ZYG11A: variants seen among roughly 807,000 people sequenced by gnomAD.
ZYG11A encodes the protein zyg-11 family member A, cell cycle regulator.
A neutral mutation model predicts 77.2 loss-of-function variants in ZYG11A; 62 were observed. The observed-to-expected ratio is 0.80, with a 90% CI of 0.65 to 0.99. The LOEUF is 0.99. Among genes scored for constraint, ZYG11A ranks in the 50% least tolerant of loss-of-function variants. The pLI, the probability that ZYG11A is intolerant of heterozygous loss-of-function variation, is 0.00. For synonymous variants in ZYG11A, 315 were observed against 324.6 expected, an observed-to-expected ratio of 0.97 and a Z score of 0.32; for missense variants, 828 against 896.8, an observed-to-expected ratio of 0.92 and a Z score of 0.98.
At chr1:52,870,489 C>T (rs1456262171) in intron 8 of ZYG11A, among the ~76,000 whole-genome samples, 2 of 152,218 alleles carry the variant, frequency 1.3e-5, no homozygotes, top group East Asian at 1.9e-4. Flanking sequence ...AATCTCGGCA[C>T]TTTGGGAGGC....
rs528106341 is a variant in ZYG11A, at chr1:52,884,616, C to T, written c.1945-1217C>T. ...TTACAGTGAGCCGAGATCGTGCCAT[C>T]GCACTCCAGCCTGGGCAACAAGAGT... On this transcript the variant is annotated intron_variant, in intron 11 of 13. Coordinates refer to ENST00000371528, the MANE Select transcript of ZYG11A (RefSeq NM_001004339.3). 5.3e-5 allele frequency among the ~76,000 whole-genome samples: 8 copies of T among 151,490 alleles called. No homozygotes were observed. The South Asian group carries it at 6.3e-4, about 12-fold the overall frequency.
chr1:52,892,977 T>G lies in ZYG11A; in HGVS notation c.*20T>G. ...TTCTGAACCTAAGGAATTTCAGAGG[T>G]GTGTGCTCTTCCTCAATGTCAGGTG... On this transcript the variant is annotated 3_prime_UTR_variant, in exon 14 of 14. Coordinates refer to ENST00000371528, the MANE Select transcript of ZYG11A (RefSeq NM_001004339.3). 2 of 1,545,890 alleles carry G rather than the reference T, an allele frequency of 1.3e-6. No homozygotes were observed. The highest frequency in any genetic ancestry group is 8.7e-7 in the Non-Finnish European group (1 of 1,143,082).
At chr1:52,858,348 C>G (rs1645857512) in intron 3 of ZYG11A, among the ~76,000 whole-genome samples, 1 of 150,592 alleles carries the variant, frequency 6.6e-6, no homozygotes, top group African/African-American at 2.4e-5. Context: ...CCACTGCACT[C>G]CAGCCTGGCC....
At chr1:52,886,222 G>A (rs1428351135) in intron 12 of ZYG11A, among the ~76,000 whole-genome samples, 3 of 152,008 alleles carry the variant, frequency 2.0e-5, no homozygotes, top group Non-Finnish European at 2.9e-5. Flanking sequence ...GTGAGCCACC[G>A]TGCCTGGCCC....
intron 1 of ZYG11A, among the ~76,000 whole-genome samples, chr1:52,849,352 G>A (rs906440236): frequency 1.3e-4 from 20 of 151,598 alleles, no homozygotes; most frequent in African/African-American, 4.6e-4. Flanking sequence ...ACAGGTGTGA[G>A]CCACCGCGCC....
chr1:52,881,344 G>A (rs533899714), intron 10 of ZYG11A, 127 bp from the exon 11 acceptor site: 81 of 617,488 alleles, frequency 1.3e-4, no homozygotes, highest in South Asian at 8.1e-4. Context: ...AGCTTGAGGC[G>A]GAGGCGGGTA....
intron 4 of ZYG11A, among the ~76,000 whole-genome samples, chr1:52,862,381 C>T (rs752846826): frequency 4.1e-5 from 6 of 147,898 alleles, no homozygotes; most frequent in African/African-American, 7.5e-5. Flanking sequence ...GCTTGATCTC[C>T]GCTCACTGCA....
At position 52,866,582 on chromosome 1, in the gene ZYG11A, TG is replaced by T; in HGVS notation, c.1391+17del. ...CCATTTGACAGGCAAGTATAAGACT[TG>T]GTCATTTGACTGGGGTGTTGGCCTT... On this transcript the variant is annotated intron_variant, in intron 6 of 13. Transcript: ENST00000371528. 1 of 1,509,894 alleles carries T rather than the reference TG, an allele frequency of 6.6e-7. No individual in the cohort carries two copies. The highest frequency in any genetic ancestry group is 2.0e-5 in the Admixed American group (1 of 50,680). The allele number at this position is 1,509,894 out of a possible 1,614,324, so 93.5% of individuals were successfully genotyped here. A position where few individuals can be genotyped will look rare whatever the true frequency, so the allele number is the denominator to read the frequency against.
In ZYG11A at chr1:52,877,969, G is replaced by A; in HGVS notation, c.1749G>A (p.Leu583=). The A allele has an allele frequency of 6.4e-7, 1 of 1,551,278 alleles. No individual in the cohort carries two copies. Among genetic ancestry groups the A allele is most frequent in the Non-Finnish European group, 8.7e-7 (1 of 1,146,910 alleles). ...TACAAAGCAAAGTACTTGGTCTTTT[G>A]GTAAGGTGAATTGTTTTGAATTAAT... ...SAIQSKVLGL[L]NNIAEVRELS... Residue 583 remains leucine (L), a splice_region_variant and synonymous_variant, in exon 10 of 14, where the codon TTG becomes TTA. Coordinates refer to ENST00000371528, the MANE Select transcript of ZYG11A (RefSeq NM_001004339.3).
chr1:52,870,809 C>G (rs1304402442), intron 8 of ZYG11A, among the ~76,000 whole-genome samples: 1 of 150,842 alleles, frequency 6.6e-6, no homozygotes. Context: ...GAGATGGCAG[C>G]AGTACAGTCC....
Position 52,870,731 on chromosome 1 carries a change from C to T in ZYG11A, c.1542+2954C>T, listed in dbSNP as rs192134609. 4.9e-3 allele frequency among the ~76,000 whole-genome samples: 742 copies of T among 152,312 alleles called. 12 individuals are homozygous for T. Among genetic ancestry groups the T allele is most frequent in the African/African-American group, 0.017 (703 of 41,562 alleles). ...CGAAAAACAGTCAGGCGTGACGGCG[C>T]GCGCCTGCAGTCGCAGGCACTCGGC... On this transcript the variant is annotated intron_variant, in intron 8 of 13. Transcript: ENST00000371528.
rs1425503124 is a variant in ZYG11A at position 52,857,229 on chromosome 1, T to G, written c.488T>G (p.Leu163Ter). 6.4e-7 allele frequency: 1 copy of G among 1,552,256 alleles called. No homozygotes were observed. The highest frequency in any genetic ancestry group is 8.7e-7 in the Non-Finnish European group (1 of 1,147,136). Residue 163 changes from leucine to a stop codon, truncating the protein, a stop_gained, in exon 3 of 14, where the codon TTA (leucine) becomes TGA (stop). Coordinates refer to ENST00000371528, the MANE Select transcript of ZYG11A (RefSeq NM_001004339.3). LOFTEE classifies it high-confidence loss of function. ...CAGCAAAACCTCCAGTGTCTCCTGT[T>G]AGACTCGACAAGCATCCCTCAAAAT... is the stretch of plus-strand genomic sequence containing the variant. ...WIQQNLQCLL[L>*]DSTSIPQNSR...
intron 8 of ZYG11A, among the ~76,000 whole-genome samples, chr1:52,869,538 T>C (rs1024878492): frequency 1.3e-5 from 2 of 151,764 alleles, no homozygotes; most frequent in Admixed American, 1.3e-4. Flanking sequence ...ACAGCACATG[T>C]TTCAGAGAGC....
At chr1:52,883,986 C>T (rs1300619353) in intron 11 of ZYG11A, among the ~76,000 whole-genome samples, 1 of 151,788 alleles carries the variant, frequency 6.6e-6, no homozygotes, top group East Asian at 2.0e-4. Flanking sequence ...TTCAAGTGAT[C>T]CCTCCGCCTC....
rs1195993366 is a variant in ZYG11A, at chr1:52,857,861, T to C, written c.1008+112T>C. 6 of 847,162 alleles carry C rather than the reference T, an allele frequency of 7.1e-6. No individual in the cohort carries two copies. In the Admixed American group the frequency reaches 2.1e-4, roughly 30 times the overall value. The allele number at this position is 847,162 out of a possible 1,614,324, so 52.5% of individuals were successfully genotyped here. A position where few individuals can be genotyped will look rare whatever the true frequency, so the allele number is the denominator to read the frequency against. On this transcript the variant is annotated intron_variant, in intron 3 of 13. Coordinates refer to ENST00000371528, the MANE Select transcript of ZYG11A (RefSeq NM_001004339.3). Reference sequence around the variant, plus strand: ...AGGGTTACAGAGACAGATAAAAAAATCCTTAAAGAGCTTTTTTAATAATTA... The same window carrying C: ...AGGGTTACAGAGACAGATAAAAAAACCCTTAAAGAGCTTTTTTAATAATTA...
intron 2 of ZYG11A, among the ~76,000 whole-genome samples, chr1:52,856,481 T>C (rs890696815): frequency 2.7e-5 from 4 of 146,788 alleles, no homozygotes; most frequent in Non-Finnish European, 6.0e-5. Flanking sequence ...AAAAAAAATA[T>C]GTGTAGTAAA....
Position 52,864,128 on chromosome 1 carries a change from G to A in ZYG11A, c.1297G>A (p.Ala433Thr). Residue 433 changes from alanine to threonine, a missense_variant, in exon 5 of 14, where the codon GCT becomes ACT. Ala to Thr is a moderately conservative substitution (Grantham distance 58). Coordinates refer to ENST00000371528, the MANE Select transcript of ZYG11A (RefSeq NM_001004339.3). ...AGAGGTCACCTGTCTACTTTTCAAG[G>A]CTCTGAAAAATTTCCCCCATTACCA... ...LSEVTCLLFK[A>T]LKNFPHYQQL... 2 of 1,550,526 alleles carry A rather than the reference G, an allele frequency of 1.3e-6. No individual in the cohort carries two copies. Among genetic ancestry groups the A allele is most frequent in the Non-Finnish European group, 1.7e-6 (2 of 1,146,744 alleles).
At chr1:52,883,289 A>G (rs1313186235) in intron 11 of ZYG11A, among the ~76,000 whole-genome samples, 1 of 150,700 alleles carries the variant, frequency 6.6e-6, no homozygotes, top group Non-Finnish European at 1.5e-5. Context: ...TAAAAACACA[A>G]TAATTGTTGT....
intron 10 of ZYG11A, among the ~76,000 whole-genome samples, chr1:52,879,747 C>CCTAT (rs1646329129): frequency 7.0e-6 from 1 of 142,980 alleles, no homozygotes. Context: ...TTCCACTTTT[C>CCTAT]TTATTTATTT....
Sources: gnomAD v4.1 joint callset for allele counts (sites outside exome capture counted in the v4.1 genomes callset) on GRCh38, gnomAD v4.1.1 for gene constraint, MANE v1.5 for transcripts, NCBI Gene and HGNC (gene_info 2026-07-23, HGNC 2026-07-21) for gene names.